Variants in MS4A4E observed in about 807,000 individuals in gnomAD.
The protein encoded by MS4A4E is membrane spanning 4-domains A4E.
Under a neutral mutation model 13.3 loss-of-function variants are expected in MS4A4E, and 23 were observed. The observed-to-expected ratio is 1.73, with a 90% CI of 1.25 to 2.45. MS4A4E has a LOEUF of 2.45. Ranked by LOEUF, MS4A4E falls within the 30% of genes most tolerant of loss-of-function variation. The probability of loss-of-function intolerance (pLI) is 0.00; values close to 1 mark genes in which losing one functional copy is unlikely to be tolerated. For missense variants in MS4A4E, 144 were observed against 131.2 expected (o/e 1.10, Z -0.48); for synonymous variants, 36 against 45.6 (o/e 0.79, Z 0.85).
At chr11:60,232,146 A>T (rs1352549287) in intron 1 of MS4A4E, among the ~76,000 whole-genome samples, 2 of 152,156 alleles carry the variant, frequency 1.3e-5, no homozygotes, top group Non-Finnish European at 2.9e-5. Flanking sequence ...AATTCTACAG[A>T]AAAACAAGAA....
chr11:60,239,105 C>T (rs1048235920), intron 1 of MS4A4E, among the ~76,000 whole-genome samples: 9 of 152,194 alleles, frequency 5.9e-5, no homozygotes, highest in Admixed American at 6.5e-5. Context: ...TTCTTCTATT[C>T]GCCAGACTAG....
chr11:60,209,627 G>A (rs1279735126), intron 5 of MS4A4E, among the ~76,000 whole-genome samples: 57 of 152,198 alleles, frequency 3.7e-4, no homozygotes, highest in Admixed American at 3.7e-3. Flanking sequence ...CATCACGTAG[G>A]TCAGTCTTTA....
intron 5 of MS4A4E, chr11:60,209,143 C>T (rs2084087873): frequency 6.6e-6 from 1 of 152,200 alleles, no homozygotes; most frequent in Non-Finnish European, 1.5e-5. Flanking sequence ...GCAGACCTCC[C>T]TGGGGGGACC....
intron 1 of MS4A4E, among the ~76,000 whole-genome samples, chr11:60,239,724 T>A (rs1429165070): frequency 2.6e-5 from 4 of 152,200 alleles, no homozygotes; most frequent in Non-Finnish European, 4.4e-5. Flanking sequence ...ATAATGGAGT[T>A]TATGAGGTGA....
chr11:60,211,632 G>T (rs1294162902), intron 5 of MS4A4E, among the ~76,000 whole-genome samples: 1 of 152,170 alleles, frequency 6.6e-6, no homozygotes, highest in Non-Finnish European at 1.5e-5. Context: ...TAAAGATTTG[G>T]CTGGGCACAG....
In MS4A4E at chr11:60,201,224, G is replaced by A. The variant is rs1462514896; in HGVS notation, c.*319C>T. On this transcript the variant is annotated 3_prime_UTR_variant, in exon 9 of 9. Transcript: ENST00000651255. ...GCGCCCCTCACCTCCCGGACGGGGC[G>A]GCTGGCCGGGCGGGGGGCTGACCCC... 1.2e-4 allele frequency: 18 copies of A among 150,232 alleles called. No homozygotes were observed. The highest frequency in any genetic ancestry group is 1.4e-4 in the Non-Finnish European group (10 of 69,150). 9.3% of individuals were successfully genotyped at this position (150,232 alleles called of 1,614,324 possible). A position where few individuals can be genotyped will look rare whatever the true frequency, so the allele number is the denominator to read the frequency against.
intron 4 of MS4A4E, among the ~76,000 whole-genome samples, chr11:60,213,697 A>C (rs769993453): frequency 6.6e-6 from 1 of 152,136 alleles, no homozygotes; most frequent in African/African-American, 2.4e-5. Context: ...CCAGAGTTTG[A>C]TATTTATCTT....
In MS4A4E at chr11:60,217,448, AG is replaced by A. The variant is rs564838991; in HGVS notation, c.179-2835del. 1.3e-3 allele frequency among the ~76,000 whole-genome samples: 195 copies of A among 152,210 alleles called. 1 individual carries two copies. The highest frequency in any genetic ancestry group is 2.3e-3 in the Non-Finnish European group (157 of 68,022). ...CAGAAAAAACAGCTTCCCCATCACC[AG>A]TAGTGGCAACATCCCCTCCCTAACC... On this transcript the variant is annotated intron_variant, in intron 3 of 8. Coordinates refer to ENST00000651255, the MANE Select transcript of MS4A4E (RefSeq NM_001393391.1).
intron 1 of MS4A4E, among the ~76,000 whole-genome samples, chr11:60,241,063 G>T (rs1425105413): frequency 1.3e-5 from 2 of 152,046 alleles, no homozygotes; most frequent in African/African-American, 4.8e-5. Context: ...TCGCTCTGTT[G>T]CCCAGGCTGG....
intron 4 of MS4A4E, among the ~76,000 whole-genome samples, chr11:60,213,551 T>C (rs1199789852): frequency 1.3e-5 from 2 of 152,174 alleles, no homozygotes; most frequent in Admixed American, 6.5e-5. Flanking sequence ...TCTCTTCTCA[T>C]GGGTAAGGTA....
At chr11:60,225,489 A>G (rs2134954834) in intron 3 of MS4A4E, among the ~76,000 whole-genome samples, 1 of 152,288 alleles carries the variant, frequency 6.6e-6, no homozygotes, top group South Asian at 2.1e-4. Flanking sequence ...ACAAGGGAAG[A>G]AAAAAAGAAG....
rs1247131401 is a variant in MS4A4E at position 60,200,557 on chromosome 11, T to C, written c.*986A>G. Among the ~76,000 whole-genome samples the C allele has an allele frequency of 6.6e-6, 1 of 152,114 alleles. No homozygotes were observed. ...CACACCTTGCACCGCCCTTAATCCA[T>C]TTAACCCTGAGTGGACACAGCACAT... On this transcript the variant is annotated 3_prime_UTR_variant, in exon 9 of 9. Transcript: ENST00000651255.
chr11:60,221,384 A>G (rs1238677628), intron 3 of MS4A4E, among the ~76,000 whole-genome samples: 1 of 152,174 alleles, frequency 6.6e-6, no homozygotes, highest in Admixed American at 6.5e-5. Context: ...CATGATCCCC[A>G]TTCCTGCCAC....
rs770277430 is a variant in MS4A4E, at chr11:60,225,006, TG to T, written c.178+3587del. 7.8e-6 allele frequency: 12 copies of T among 1,543,862 alleles called. No individual in the cohort carries two copies. In the South Asian group the frequency reaches 1.2e-4, roughly 15 times the overall value. The stretch of plus-strand genomic sequence containing the variant: ...ATTGTGTACGCAACATACACAAAAA[TG>T]GGATGTTCTTCATAAGAACTAAATG... On this transcript the variant is annotated intron_variant, in intron 3 of 8. Transcript: ENST00000651255.
Position 60,201,734 on chromosome 11 carries a change from C to T in MS4A4E, c.805G>A (p.Val269Met), listed in dbSNP as rs1043788671. ...PLPGRHPVWE[V>M]RSVSAWPPIV... The stretch of plus-strand genomic sequence containing the variant: ...GGCGGCCAGGCAGAGACGCTCCTCA[C>T]TTCCCAGACGGGGTGGCGGCCGGGC... The change falls in exon 9 of 9, where the codon GTG (valine) becomes ATG (methionine). Residue 269 changes from valine (V) to methionine (M), a missense_variant. Transcript: ENST00000651255. 36 of 239,320 alleles carry T rather than the reference C, an allele frequency of 1.5e-4. No homozygotes were observed. The highest frequency in any genetic ancestry group is 3.4e-4 in the Admixed American group (6 of 17,780). The allele number at this position is 239,320 out of a possible 1,614,324, so 14.8% of individuals were successfully genotyped here. A position where few individuals can be genotyped will look rare whatever the true frequency, so the allele number is the denominator to read the frequency against.
intron 6 of MS4A4E, 65 bp downstream of exon 6, chr11:60,208,528 G>C (rs538901763): frequency 1.7e-6 from 1 of 591,472 alleles, no homozygotes; most frequent in East Asian, 2.9e-5. Flanking sequence ...CTATAAGTTT[G>C]TTTAACTGAT....
intron 3 of MS4A4E, chr11:60,224,987 T>G: frequency 6.5e-7 from 1 of 1,532,966 alleles, no homozygotes; most frequent in Middle Eastern, 1.7e-4. Context: ...CCAAATTGTG[T>G]ACGCAACATA....
At chr11:60,236,627 T>C (rs1479095186) in intron 1 of MS4A4E, among the ~76,000 whole-genome samples, 1 of 152,086 alleles carries the variant, frequency 6.6e-6, no homozygotes, top group Non-Finnish European at 1.5e-5. Flanking sequence ...TTTGTATGTA[T>C]ATATATTTAA....
intron 3 of MS4A4E, among the ~76,000 whole-genome samples, chr11:60,220,050 G>T (rs1254292244): frequency 6.6e-6 from 1 of 152,130 alleles, no homozygotes; most frequent in Non-Finnish European, 1.5e-5. Context: ...TGGTGGAAAA[G>T]GCCAAATGGA....
Sources: allele counts gnomAD v4.1 joint callset (sites outside exome capture counted in the v4.1 genomes callset), GRCh38; gene constraint gnomAD v4.1.1; transcripts MANE v1.5; gene names NCBI Gene and HGNC (gene_info 2026-07-23, HGNC 2026-07-21).